NPFFR2: variants seen among roughly 807,000 people sequenced by gnomAD.
The protein encoded by NPFFR2 is neuropeptide FF receptor 2.
NPFFR2 carries 15 observed loss-of-function variants against 13.1 expected under a neutral mutation model. The observed-to-expected ratio is 1.15, with a 90% CI of 0.77 to 1.76. The LOEUF is 1.76. Ranked by LOEUF, NPFFR2 falls within the 40% of genes most tolerant of loss-of-function variation. The pLI, the probability that NPFFR2 is intolerant of heterozygous loss-of-function variation, is 0.00. For missense variants in NPFFR2, 572 were observed against 503.5 expected (o/e 1.14, Z -1.30); for synonymous variants, 190 against 175.7 (o/e 1.08, Z -0.65).
intron 1 of NPFFR2, among the ~76,000 whole-genome samples, chr4:72,108,939 C>T (rs1028388323): frequency 6.6e-6 from 1 of 151,952 alleles, no homozygotes; most frequent in Non-Finnish European, 1.5e-5. Flanking sequence ...CAAAGTGTTT[C>T]CTTTTCCTGG....
chr4:72,141,528 A>T (rs887083766), intron 3 of NPFFR2, among the ~76,000 whole-genome samples: 1 of 152,182 alleles, frequency 6.6e-6, no homozygotes, highest in Non-Finnish European at 1.5e-5. Context: ...CCCAGTAGTC[A>T]TTCAGGAGCA....
chr4:72,128,288 A>C (rs1341434722), intron 1 of NPFFR2, among the ~76,000 whole-genome samples: 1 of 152,210 alleles, frequency 6.6e-6, no homozygotes, highest in African/African-American at 2.4e-5. Flanking sequence ...TTGGAAGGCA[A>C]GGGAAATGGA....
At chr4:72,083,828 A>G (rs1476863573) in intron 1 of NPFFR2, among the ~76,000 whole-genome samples, 1 of 152,204 alleles carries the variant, frequency 6.6e-6, no homozygotes, top group East Asian at 1.9e-4. Flanking sequence ...TCTAAAAGGC[A>G]TCTTATATTT....
At chr4:72,065,124 A>T (rs1720029858) in intron 1 of NPFFR2, among the ~76,000 whole-genome samples, 1 of 152,108 alleles carries the variant, frequency 6.6e-6, no homozygotes, top group Admixed American at 6.6e-5. Flanking sequence ...TGACAAAGGC[A>T]ATTTTCACAA....
chr4:72,043,360 A>C (rs1719284450), intron 1 of NPFFR2, among the ~76,000 whole-genome samples: 1 of 152,214 alleles, frequency 6.6e-6, no homozygotes, highest in Non-Finnish European at 1.5e-5. Context: ...GCCTGTGAGA[A>C]GAGGCTACTG....
intron 1 of NPFFR2, among the ~76,000 whole-genome samples, chr4:72,119,744 G>A (rs947027846): frequency 6.6e-6 from 1 of 152,212 alleles, no homozygotes; most frequent in African/African-American, 2.4e-5. Flanking sequence ...GGTGCATTCT[G>A]GCCCAAATAC....
chr4:72,070,184 C>A (rs1720202366), intron 1 of NPFFR2, among the ~76,000 whole-genome samples: 2 of 152,158 alleles, frequency 1.3e-5, no homozygotes, highest in Admixed American at 6.6e-5. Flanking sequence ...ACTAAATTTT[C>A]TCATTGCTAT....
At chr4:72,093,820 CTTT>C (rs1403221175) in intron 1 of NPFFR2, among the ~76,000 whole-genome samples, 1 of 129,502 alleles carries the variant, frequency 7.7e-6, no homozygotes, top group Non-Finnish European at 1.7e-5. Flanking sequence ...CTTCTGAATT[CTTT>C]TTTTTTTTTT....
intron 1 of NPFFR2, among the ~76,000 whole-genome samples, chr4:72,111,586 G>A (rs1290816199): frequency 1.3e-5 from 2 of 151,850 alleles, no homozygotes; most frequent in Admixed American, 6.6e-5. Flanking sequence ...CCTTAATCAG[G>A]GCAATAATCT....
At chr4:72,116,415 G>A (rs1284404722) in intron 1 of NPFFR2, among the ~76,000 whole-genome samples, 1 of 151,534 alleles carries the variant, frequency 6.6e-6, no homozygotes, top group African/African-American at 2.4e-5. Context: ...GGGACTACTA[G>A]ATGGGAAGGG....
intron 1 of NPFFR2, among the ~76,000 whole-genome samples, chr4:72,075,325 C>G (rs1720394289): frequency 6.6e-6 from 1 of 152,118 alleles, no homozygotes; most frequent in Non-Finnish European, 1.5e-5. Context: ...ATTGTGGGAC[C>G]TTGTGATTGT....
At chr4:72,111,669 G>A (rs76613684) in intron 1 of NPFFR2, among the ~76,000 whole-genome samples, 4,171 of 152,014 alleles carry the variant, frequency 0.027, 178 homozygotes, top group African/African-American at 0.095. Flanking sequence ...AAAAGTCACC[G>A]TTCAGCATGG....
chr4:72,084,868 T>G (rs991910016), intron 1 of NPFFR2, among the ~76,000 whole-genome samples: 26 of 152,148 alleles, frequency 1.7e-4, no homozygotes, highest in African/African-American at 6.3e-4. Context: ...GCTGGAAAAC[T>G]GGACTTTATT....
At chr4:72,084,626 A>G (rs1231366959) in intron 1 of NPFFR2, among the ~76,000 whole-genome samples, 1 of 152,166 alleles carries the variant, frequency 6.6e-6, no homozygotes, top group Non-Finnish European at 1.5e-5. Context: ...TGATTTCAGC[A>G]ACAGCTGTGG....
intron 1 of NPFFR2, among the ~76,000 whole-genome samples, chr4:72,096,973 C>T (rs142725568): frequency 2.0e-5 from 3 of 151,836 alleles, no homozygotes; most frequent in Non-Finnish European, 4.4e-5. Flanking sequence ...GTTCTATAGA[C>T]AATTTAGAAT....
rs1369209883 is a variant in NPFFR2 at position 72,071,072 on chromosome 4, T to C, written c.-8+38872T>C. 2.6e-5 allele frequency among the ~76,000 whole-genome samples: 4 copies of C among 152,262 alleles called. No individual in the cohort carries two copies. The East Asian group carries it at 5.8e-4, about 22-fold the overall frequency. On this transcript the variant is annotated intron_variant, in intron 1 of 3. Coordinates refer to ENST00000308744, the MANE Select transcript of NPFFR2 (RefSeq NM_004885.3). Reference sequence around the variant, plus strand: ...TATCAAAAGCAAATAATGTTGAACATTGACTGAGAAAAAAACATAATTCTG... The same window carrying C: ...TATCAAAAGCAAATAATGTTGAACACTGACTGAGAAAAAAACATAATTCTG...
Position 72,127,231 on chromosome 4 carries a change from G to A in NPFFR2, c.-7-1354G>A, listed in dbSNP as rs1372505765. On this transcript the variant is annotated intron_variant, in intron 1 of 3. Coordinates refer to ENST00000308744, the MANE Select transcript of NPFFR2 (RefSeq NM_004885.3). ...AGGCGGGAGAATGGCGTGAACCCGG[G>A]AGGTGGAGCTTGCAGTGAGCCGAGA... Among the ~76,000 whole-genome samples the A allele has an allele frequency of 6.1e-5, 8 of 130,790 alleles. No homozygotes were observed. The East Asian group carries it at 1.4e-3, about 23-fold the overall frequency. The allele number at this position is 130,790 out of a possible 152,430, so 85.8% of individuals were successfully genotyped here. A position where few individuals can be genotyped will look rare whatever the true frequency, so the allele number is the denominator to read the frequency against.
At chr4:72,067,962 C>G (rs1239696754) in intron 1 of NPFFR2, among the ~76,000 whole-genome samples, 4 of 152,110 alleles carry the variant, frequency 2.6e-5, no homozygotes, top group Non-Finnish European at 5.9e-5. Flanking sequence ...TAGCTCTGCT[C>G]TTCTTCTGAG....
At chr4:72,118,833 C>T (rs1412341731) in intron 1 of NPFFR2, among the ~76,000 whole-genome samples, 1 of 151,892 alleles carries the variant, frequency 6.6e-6, no homozygotes, top group Non-Finnish European at 1.5e-5. Flanking sequence ...TATAAAATGG[C>T]ATAACAAAAT....
Sources: allele counts gnomAD v4.1 joint callset (sites outside exome capture counted in the v4.1 genomes callset), GRCh38; gene constraint gnomAD v4.1.1; transcripts MANE v1.5; gene names NCBI Gene and HGNC (gene_info 2026-07-23, HGNC 2026-07-21).